Variants in PHF20 observed in about 807,000 individuals in gnomAD.
PHF20 encodes the protein PHD finger protein 20.
Under a neutral mutation model 113.5 loss-of-function variants are expected in PHF20, and 23 were observed. The observed-to-expected ratio is 0.20, with a 90% confidence interval of 0.15 to 0.29. PHF20 has a LOEUF of 0.29. PHF20 is among the 10% of genes least tolerant of loss of function. PHF20 has a pLI of 1.00. For missense variants in PHF20, 943 were observed against 1,219.6 expected (o/e 0.77, Z 3.38); for synonymous variants, 434 against 457.3 (o/e 0.95, Z 0.65).
intron 3 of PHF20, chr20:35,845,637 T>C (rs927234248): frequency 6.3e-6 from 1 of 157,730 alleles, no homozygotes; most frequent in Non-Finnish European, 1.4e-5. Context: ...AGATCCTTCG[T>C]ACCTCCCAAA....
At position 35,871,795 on chromosome 20, in the gene PHF20, C is replaced by G. The variant is rs928222260; in HGVS notation, c.1248C>G (p.Pro416=). Residue 416 remains proline, a synonymous_variant, in exon 9 of 18, where the codon CCC becomes CCG. Coordinates refer to ENST00000374012, the MANE Select transcript of PHF20 (RefSeq NM_016436.5). ...CGATGAAAACAGAACCGACTTCTCC[C>G]CTTGTGGAATTACAAGAGATTTCGA... is the stretch of plus-strand genomic sequence containing the variant. The part of the protein sequence containing the change: ...ENTMKTEPTS[P]LVELQEISTV... 1 of 1,612,060 alleles carries G rather than the reference C, an allele frequency of 6.2e-7. No individual in the cohort carries two copies. The highest frequency in any genetic ancestry group is 1.7e-5 in the Admixed American group (1 of 59,876).
At chr20:35,795,929 C>T (rs561630683) in intron 1 of PHF20, among the ~76,000 whole-genome samples, 67 of 152,232 alleles carry the variant, frequency 4.4e-4, no homozygotes, top group African/African-American at 1.5e-3. Flanking sequence ...CAGCTCACTG[C>T]AACCTCCACC....
chr20:35,815,308 T>A (rs1385600343), intron 2 of PHF20, among the ~76,000 whole-genome samples: 1 of 151,958 alleles, frequency 6.6e-6, no homozygotes, highest in South Asian at 2.1e-4. Context: ...CCAGACACGG[T>A]GACTCATGCT....
intron 10 of PHF20, among the ~76,000 whole-genome samples, chr20:35,904,607 G>A (rs1217253345): frequency 6.6e-6 from 1 of 152,032 alleles, no homozygotes; most frequent in Non-Finnish European, 1.5e-5. Flanking sequence ...AAAGTACCCT[G>A]CAGAGATTTC....
intron 9 of PHF20, among the ~76,000 whole-genome samples, chr20:35,890,240 G>C (rs1434648509): frequency 6.6e-6 from 1 of 151,598 alleles, no homozygotes; most frequent in Non-Finnish European, 1.5e-5. Flanking sequence ...ATGTTGCTCA[G>C]GCTGGTCTTA....
intron 9 of PHF20, among the ~76,000 whole-genome samples, chr20:35,880,777 A>G (rs1568698088): frequency 6.6e-6 from 1 of 152,080 alleles, no homozygotes; most frequent in South Asian, 2.1e-4. Flanking sequence ...CCTGGCCAAC[A>G]TAGTGAAACC....
chr20:35,800,276 A>G (rs889894289), intron 1 of PHF20: 6 of 152,056 alleles, frequency 3.9e-5, no homozygotes, highest in African/African-American at 1.4e-4. Flanking sequence ...AGTAGGAAAT[A>G]TAGCTGGGCA....
intron 2 of PHF20, among the ~76,000 whole-genome samples, chr20:35,804,031 A>G (rs1392951984): frequency 2.6e-5 from 4 of 151,662 alleles, no homozygotes; most frequent in Non-Finnish European, 2.9e-5. Context: ...TTGTATGAAT[A>G]TACCACATTT....
At position 35,833,983 on chromosome 20, in the gene PHF20, G is replaced by A. The variant is rs910252638; in HGVS notation, c.84-8590G>A. On this transcript the variant is annotated intron_variant, in intron 2 of 17. Transcript: ENST00000374012. ...TGAGGCAGGGGAATTGCTTGAACCC[G>A]GGAGACAGAGGTTGCAGTGAGCCGA... is the stretch of plus-strand genomic sequence containing the variant. Among the ~76,000 whole-genome samples the A allele has an allele frequency of 2.0e-5, 3 of 152,058 alleles. No individual in the cohort carries two copies. The East Asian group carries it at 5.8e-4, about 30-fold the overall frequency.
intron 10 of PHF20, among the ~76,000 whole-genome samples, chr20:35,906,403 T>C (rs1164404654): frequency 2.0e-5 from 3 of 152,224 alleles, no homozygotes; most frequent in Non-Finnish European, 4.4e-5. Flanking sequence ...ATGGTGGCTG[T>C]GCTCAGGCTC....
chr20:35,884,921 C>A (rs1267943920), intron 9 of PHF20, among the ~76,000 whole-genome samples: 2 of 152,162 alleles, frequency 1.3e-5, no homozygotes, highest in African/African-American at 4.8e-5. Flanking sequence ...ACCTCCACCT[C>A]CTGGGTTCAA....
chr20:35,833,050 CAAAA>C (rs56997481), intron 2 of PHF20, among the ~76,000 whole-genome samples: 2 of 69,826 alleles, frequency 2.9e-5, no homozygotes, highest in Admixed American at 1.6e-4. Flanking sequence ...GACTCCATCT[CAAAA>C]AAAAAAAAAA....
In PHF20 at chr20:35,803,327, AT is replaced by A. The variant is rs1416376376; in HGVS notation, c.83+1734del. ...TTTTCAACACAGTTGTTTTTGGGCT[AT>A]TTTTTTTTTTTGGAGACAAGAGTCT... On this transcript the variant is annotated intron_variant, in intron 2 of 17. Transcript: ENST00000374012. Among the ~76,000 whole-genome samples, 179 of 130,488 alleles carry A rather than the reference AT, an allele frequency of 1.4e-3. 1 individual carries two copies. The highest frequency in any genetic ancestry group is 1.6e-3 in the Admixed American group (22 of 13,356). 85.6% of individuals were successfully genotyped at this position (130,488 alleles called of 152,430 possible).
chr20:35,779,521 CTTTCT>C (rs1243804611), intron 1 of PHF20, among the ~76,000 whole-genome samples: 3 of 30,114 alleles, frequency 1.0e-4, no homozygotes, highest in Middle Eastern at 0.018. Context: ...ACATTCCTTT[CTTTCT>C]TTTTTTTTTT....
chr20:35,884,955 C>T (rs554238794), intron 9 of PHF20, among the ~76,000 whole-genome samples: 11 of 152,232 alleles, frequency 7.2e-5, no homozygotes, highest in African/African-American at 1.9e-4. Flanking sequence ...CTCTGCCTCC[C>T]GAGTAGCTGG....
At chr20:35,848,580 C>T (rs1408775941) in intron 4 of PHF20, among the ~76,000 whole-genome samples, 2 of 151,984 alleles carry the variant, frequency 1.3e-5, no homozygotes, top group Non-Finnish European at 2.9e-5. Flanking sequence ...TTTTTCAGGC[C>T]AAACACGATG....
At chr20:35,928,809 C>G (rs6060688) in intron 14 of PHF20, 39,484 of 152,070 alleles carry the variant, frequency 0.26, 6,161 homozygotes, top group African/African-American at 0.44. Context: ...CACTGCCATC[C>G]TGAAGGGAGA....
At chr20:35,844,446 G>T (rs2042586524) in intron 3 of PHF20, among the ~76,000 whole-genome samples, 1 of 123,998 alleles carries the variant, frequency 8.1e-6, no homozygotes, top group Non-Finnish European at 1.7e-5. Flanking sequence ...ATGTTGTCCA[G>T]CTTTATTTTT....
intron 9 of PHF20, among the ~76,000 whole-genome samples, chr20:35,891,657 G>C (rs1264064111): frequency 6.6e-6 from 1 of 152,128 alleles, no homozygotes; most frequent in Non-Finnish European, 1.5e-5. Flanking sequence ...TGAACTGGCA[G>C]CCTTTATTGT....
Sources: allele counts gnomAD v4.1 joint callset (sites outside exome capture counted in the v4.1 genomes callset), GRCh38; gene constraint gnomAD v4.1.1; transcripts MANE v1.5; gene names NCBI Gene and HGNC (gene_info 2026-07-23, HGNC 2026-07-21).